The following MMP3 variants were observed in gnomAD, a reference collection of about 807,000 sequenced individuals.
MMP3 encodes matrix metallopeptidase 3.
A neutral mutation model predicts 47.3 loss-of-function variants in MMP3; 46 were observed. That is an observed-to-expected ratio of 0.97 (90% CI 0.77 to 1.24). MMP3 has a LOEUF of 1.24. Ranked by LOEUF, MMP3 falls within the 50% of genes most tolerant of loss-of-function variation. The probability of loss-of-function intolerance (pLI) is 0.00; values close to 1 mark genes in which losing one functional copy is unlikely to be tolerated. For synonymous variants in MMP3, 216 were observed against 206.5 expected, an observed-to-expected ratio of 1.05 and a Z score of -0.39; for missense variants, 558 against 565.5, an observed-to-expected ratio of 0.99 and a Z score of 0.13.
In MMP3 at chr11:102,835,902, A is replaced by T. The variant is rs1005282394; in HGVS notation, c.*224T>A. On this transcript the variant is annotated 3_prime_UTR_variant, in exon 10 of 10. Coordinates refer to ENST00000299855, the MANE Select transcript of MMP3 (RefSeq NM_002422.5). ...AGTGCTTCCCCTTCTCTTGGGAAAG[A>T]TCACTCTATGTGACAAGGTGCAAGC... 1 of 471,368 alleles carries T rather than the reference A, an allele frequency of 2.1e-6. No homozygotes were observed. The highest frequency in any genetic ancestry group is 1.9e-5 in the African/African-American group (1 of 51,942). 29.2% of individuals were successfully genotyped at this position (471,368 alleles called of 1,614,324 possible).
In MMP3 at chr11:102,836,887, A is replaced by T; in HGVS notation, c.1333+411T>A. 1 of 209,984 alleles carries T rather than the reference A, an allele frequency of 4.8e-6. No individual in the cohort carries two copies. The highest frequency in any genetic ancestry group is 9.6e-6 in the Non-Finnish European group (1 of 104,090). The allele number at this position is 209,984 out of a possible 1,614,324, so 13.0% of individuals were successfully genotyped here. A position where few individuals can be genotyped will look rare whatever the true frequency, so the allele number is the denominator to read the frequency against. On this transcript the variant is annotated intron_variant, in intron 9 of 9. Transcript: ENST00000299855. This position sits in a 1 kb window ranked among gnomAD's most constrained non-coding sequence, Gnocchi z 4.6. ...GACAACTCAGGAAAGACAGACAAAA[A>T]ATCTCCCTGGGAATTAGTAGCAGCA...
At position 102,836,515 on chromosome 11, in the gene MMP3, G is replaced by A. The variant is rs781836863; in HGVS notation, c.1334-289C>T. 2.5e-5 allele frequency: 13 copies of A among 526,268 alleles called. No individual in the cohort carries two copies. Among genetic ancestry groups the A allele is most frequent in the South Asian group, 9.2e-5 (6 of 65,034 alleles). 32.6% of individuals were successfully genotyped at this position (526,268 alleles called of 1,614,324 possible). ...GCAAGGAAGAATGGAGACAGCACTC[G>A]GTGCCAGCTCTGTCTGAAAACACAG... On this transcript the variant is annotated intron_variant, in intron 9 of 9. Transcript: ENST00000299855. This position sits in a 1 kb window ranked among gnomAD's most constrained non-coding sequence, Gnocchi z 4.6.
At chr11:102,842,350 C>T in intron 3 of MMP3, 71 bp from the exon 4 acceptor site, 1 of 1,562,934 alleles carries the variant, frequency 6.4e-7, no homozygotes, top group Non-Finnish European at 8.6e-7. Context: ...AGTACAACAA[C>T]ACCAGATAGA....
In MMP3 at chr11:102,843,593, C is replaced by T. The variant is rs782716940; in HGVS notation, c.-47G>A. ...CTATGTTGTCTCTATGCCTTGCTGT[C>T]TTGCCTGCCTCCTTGTAGGTCCAAC... On this transcript the variant is annotated 5_prime_UTR_variant, in exon 1 of 10. Coordinates refer to ENST00000299855, the MANE Select transcript of MMP3 (RefSeq NM_002422.5). 1.3e-6 allele frequency: 2 copies of T among 1,491,672 alleles called. No individual in the cohort carries two copies. Among genetic ancestry groups the T allele is most frequent in the Admixed American group, 1.8e-5 (1 of 55,864 alleles). 92.4% of individuals were successfully genotyped at this position (1,491,672 alleles called of 1,614,324 possible).
Position 102,839,261 on chromosome 11 carries a change from A to G in MMP3, c.936-18T>C, listed in dbSNP as rs782105108. On this transcript the variant is annotated intron_variant, in intron 6 of 9. Transcript: ENST00000299855. The stretch of plus-strand genomic sequence containing the variant: ...AAAAGTGCCTAAAATATATGTAAAA[A>G]GAAATGTAAATTGAAAAACAATCTT... The G allele has an allele frequency of 1.5e-5, 24 of 1,612,988 alleles. No individual in the cohort carries two copies. In the Admixed American group the frequency reaches 3.9e-4, roughly 26 times the overall value.
Position 102,836,144 on chromosome 11 carries a change from G to A in MMP3, c.1416C>T (p.Asn472=), listed in dbSNP as rs782240977. ...ATCTCTTTCAACAATTAAGCCAGCTGTTACTCTTCAAAGTGTGTGTCACTT... is the reference window on the plus strand; with the variant it reads ...ATCTCTTTCAACAATTAAGCCAGCTATTACTCTTCAAAGTGTGTGTCACTT... ...AKKVTHTLKS[N]SWLNC The change falls in exon 10 of 10, where the codon AAC becomes AAT. Residue 472 remains asparagine (N), a synonymous_variant. Transcript: ENST00000299855. The surrounding 1 kb of genome is among the most constrained non-coding windows in gnomAD (Gnocchi z 4.6). 6.2e-7 allele frequency: 1 copy of A among 1,613,646 alleles called. No homozygotes were observed. Among genetic ancestry groups the A allele is most frequent in the African/African-American group, 1.3e-5 (1 of 75,026 alleles).
chr11:102,842,340 A>T (rs144628042), intron 3 of MMP3, 61 bp from the exon 4 acceptor site: 1 of 1,569,602 alleles, frequency 6.4e-7, no homozygotes, highest in East Asian at 2.3e-5. Flanking sequence ...AGCCTTTTCC[A>T]GTACAACAAC....
At chr11:102,843,324 T>C (rs1859044384) in intron 1 of MMP3, 118 bp downstream of exon 1, 1 of 726,462 alleles carries the variant, frequency 1.4e-6, no homozygotes, top group African/African-American at 1.8e-5. Flanking sequence ...AACTCTCTAT[T>C]CTTGAACTGT....
At chr11:102,843,407 C>A (rs781784422) in intron 1 of MMP3, 35 bp downstream of exon 1, 1 of 1,501,606 alleles carries the variant, frequency 6.7e-7, no homozygotes, top group Non-Finnish European at 9.2e-7. Context: ...ACTCTGGAAG[C>A]TCCCCACCTG....
chr11:102,841,566 C>T (rs952642714), intron 4 of MMP3, among the ~76,000 whole-genome samples: 9 of 152,162 alleles, frequency 5.9e-5, no homozygotes, highest in African/African-American at 2.2e-4. Flanking sequence ...CTTTGGATGT[C>T]ATTCCCCAAA....
At chr11:102,838,802 G>T in intron 7 of MMP3, 92 bp from the exon 8 acceptor site, 4 of 1,408,822 alleles carry the variant, frequency 2.8e-6, no homozygotes, top group Non-Finnish European at 3.8e-6. Flanking sequence ...TGATTTTCAT[G>T]GTAAAGTAGT....
intron 1 of MMP3, 112 bp from the exon 2 acceptor site, chr11:102,843,028 T>C: frequency 1.0e-6 from 1 of 994,612 alleles, no homozygotes; most frequent in South Asian, 1.9e-5. Flanking sequence ...AGTATTTCTC[T>C]AGCTTGCTGA....
chr11:102,843,452 T>A lies in MMP3; in HGVS notation c.95A>T (p.Asn32Ile). 6.2e-7 allele frequency: 1 copy of A among 1,613,132 alleles called. No individual in the cohort carries two copies. Among genetic ancestry groups the A allele is most frequent in the East Asian group, 2.2e-5 (1 of 44,864 alleles). ...GTTAGTGTTAATTACCTGAACAAGG[T>A]TCATGCTGGTGTCCTCACCCCTTGC... ...GAARGEDTSM[N>I]LVQKYLENYY... is the part of the protein sequence containing the mutation. The change falls in exon 1 of 10, where the codon AAC becomes ATC. Residue 32 changes from asparagine (N) to isoleucine (I), a missense_variant. Coordinates refer to ENST00000299855, the MANE Select transcript of MMP3 (RefSeq NM_002422.5).
At position 102,837,759 on chromosome 11, in the gene MMP3, C is replaced by T. The variant is rs1555004815; in HGVS notation, c.1230-358G>A. On this transcript the variant is annotated intron_variant, in intron 8 of 9. Coordinates refer to ENST00000299855, the MANE Select transcript of MMP3 (RefSeq NM_002422.5). This position sits in a 1 kb window ranked among gnomAD's most constrained non-coding sequence, Gnocchi z 4.4. Reference sequence around the variant, plus strand: ...CAACATCTAAAATGCAATTTTAATTCCCTACCACAATTGGCCCATATATGC... The same window carrying T: ...CAACATCTAAAATGCAATTTTAATTTCCTACCACAATTGGCCCATATATGC... Among the ~76,000 whole-genome samples, 1 of 151,032 alleles carries T rather than the reference C, an allele frequency of 6.6e-6. No individual in the cohort carries two copies.
Position 102,842,566 on chromosome 11 carries a change from T to G in MMP3, c.364A>C (p.Thr122Pro). 6.2e-7 allele frequency: 1 copy of G among 1,613,998 alleles called. No homozygotes were observed. The highest frequency in any genetic ancestry group is 8.5e-7 in the Non-Finnish European group (1 of 1,179,976). ...THLTYRIVNY[T>P]PDLPKDAVDS... ...ACAGCATCTTTTGGCAAATCTGGTGTATAATTCACAATCCTGTAGGAGAAA... is the reference window on the plus strand; with the variant it reads ...ACAGCATCTTTTGGCAAATCTGGTGGATAATTCACAATCCTGTAGGAGAAA... Residue 122 changes from threonine to proline, a missense_variant, in exon 3 of 10, where the codon ACA (threonine) becomes CCA (proline). Thr to Pro is a conservative substitution (Grantham distance 38). Coordinates refer to ENST00000299855, the MANE Select transcript of MMP3 (RefSeq NM_002422.5).
intron 4 of MMP3, 151 bp from the exon 5 acceptor site, chr11:102,840,744 A>G (rs979172112): frequency 2.7e-6 from 2 of 745,282 alleles, no homozygotes; most frequent in African/African-American, 3.6e-5. Flanking sequence ...TTGACTAATT[A>G]CACACTTAAT....
chr11:102,839,384 C>A lies in MMP3; in HGVS notation c.936-141G>T, dbSNP rs1335940339. 9 of 957,310 alleles carry A rather than the reference C, an allele frequency of 9.4e-6. No homozygotes were observed. In the African/African-American group the frequency reaches 1.5e-4, roughly 16 times the overall value. The allele number at this position is 957,310 out of a possible 1,614,324, so 59.3% of individuals were successfully genotyped here. On this transcript the variant is annotated intron_variant, in intron 6 of 9. Coordinates refer to ENST00000299855, the MANE Select transcript of MMP3 (RefSeq NM_002422.5). ...TGACAGATAGAAATCAGGTATATTG[C>A]CATTAGAAAATTTCTTTCCTTTTTC... is the stretch of plus-strand genomic sequence containing the variant.
At chr11:102,842,641 A>G (rs1555005733) in intron 2 of MMP3, 31 bp downstream of exon 2, 6 of 1,612,784 alleles carry the variant, frequency 3.7e-6, no homozygotes, top group Non-Finnish European at 4.2e-6. Flanking sequence ...TAAAATTCCA[A>G]TCTTATGTGA....
chr11:102,840,458 T>A lies in MMP3; in HGVS notation c.761A>T (p.Asp254Val), dbSNP rs1182056926. 6.2e-7 allele frequency: 1 copy of A among 1,614,044 alleles called. No homozygotes were observed. The highest frequency in any genetic ancestry group is 1.7e-5 in the Admixed American group (1 of 60,014). ...TDLTRFRLSQDDINGIQSLYG... is the reference protein window; with the variant it reads ...TDLTRFRLSQVDINGIQSLYG... ...GAGGGACTGAATGCCATTTATATCA[T>A]CTTGAGACAGGCGGAACCGAGTCAG... The change falls in exon 5 of 10, where the codon GAT (aspartate) becomes GTT (valine). Residue 254 changes from aspartate to valine, a missense_variant. By Grantham distance (152) the Asp-to-Val change is radical (BLOSUM62 -3). Coordinates refer to ENST00000299855, the MANE Select transcript of MMP3 (RefSeq NM_002422.5).
Sources: gnomAD v4.1 joint callset for allele counts (sites outside exome capture counted in the v4.1 genomes callset) on GRCh38, gnomAD v4.1.1 for gene constraint, Gnocchi (gnomAD v3.1) non-coding constraint, MANE v1.5 for transcripts, NCBI Gene and HGNC (gene_info 2026-07-23, HGNC 2026-07-21) for gene names.